Variants in RBFOX1 observed in about 807,000 individuals in gnomAD.
RBFOX1 encodes the protein RNA binding fox-1 homolog 1, also known as RNA binding protein fox-1 homolog 1.
RBFOX1 carries 8 observed loss-of-function variants against 57.7 expected under a neutral mutation model. The ratio of observed to expected loss-of-function variants is 0.14; its 90% CI spans 0.08 to 0.25. The LOEUF is 0.25. RBFOX1 is among the 10% of genes least tolerant of loss of function. RBFOX1 has a pLI of 1.00. For synonymous variants in RBFOX1, 326 were observed against 222.4 expected, an observed-to-expected ratio of 1.47 and a Z score of -4.15; for missense variants, 611 against 548.5, an observed-to-expected ratio of 1.11 and a Z score of -1.14.
intron 4 of RBFOX1, among the ~76,000 whole-genome samples, chr16:7,286,467 T>TTTTG (rs1391701612): frequency 4.1e-5 from 6 of 147,422 alleles, no homozygotes; most frequent in African/African-American, 1.3e-4. Context: ...TTTTTTTTTT[T>TTTTG]GAGATGGAGT....
chr16:5,823,761 C>G (rs1442676622), intron 3 of RBFOX1, among the ~76,000 whole-genome samples: 1 of 152,182 alleles, frequency 6.6e-6, no homozygotes, highest in Non-Finnish European at 1.5e-5. Context: ...GATGATCTGT[C>G]ACTGTCTCCC....
chr16:5,737,074 A>G (rs542104437), intron 3 of RBFOX1, among the ~76,000 whole-genome samples: 2 of 152,022 alleles, frequency 1.3e-5, no homozygotes, highest in Non-Finnish European at 1.5e-5. Flanking sequence ...ACTGAGAGTG[A>G]TGGTGACTTG....
chr16:6,409,082 C>T (rs2093375557), intron 2 of RBFOX1, among the ~76,000 whole-genome samples: 1 of 152,066 alleles, frequency 6.6e-6, no homozygotes, highest in Non-Finnish European at 1.5e-5. Flanking sequence ...TTCACAGTCT[C>T]TCCCTACATA....
intron 2 of RBFOX1, among the ~76,000 whole-genome samples, chr16:6,426,618 G>A (rs186846615): frequency 5.9e-5 from 9 of 152,122 alleles, no homozygotes; most frequent in African/African-American, 1.7e-4. Context: ...GCAACAGAAC[G>A]ACACCTTGTC....
chr16:5,599,385 A>G (rs148919553), exon 3 of RBFOX1: 1 of 593,120 alleles, frequency 1.7e-6, no homozygotes, highest in East Asian at 2.8e-5. Context: ...GGGGTCCTGC[A>G]TCATGGCATT....
At chr16:6,003,457 G>A (rs543494697) in intron 4 of RBFOX1, among the ~76,000 whole-genome samples, 2 of 151,966 alleles carry the variant, frequency 1.3e-5, no homozygotes, top group East Asian at 1.9e-4. Flanking sequence ...ACTACTTCTC[G>A]CCACCGCCCA....
At chr16:7,253,159 C>G (rs1048094686) in intron 4 of RBFOX1, among the ~76,000 whole-genome samples, 9 of 152,194 alleles carry the variant, frequency 5.9e-5, no homozygotes, top group African/African-American at 2.2e-4. Context: ...GATAAAATCT[C>G]TTCTCCACTT....
chr16:7,521,510 C>A (rs1036992420), intron 5 of RBFOX1, among the ~76,000 whole-genome samples: 21 of 151,896 alleles, frequency 1.4e-4, no homozygotes, highest in African/African-American at 5.1e-4. Flanking sequence ...GCAAAAAGAA[C>A]ACTTTAGAGA....
At chr16:5,704,776 C>G (rs537611313) in intron 3 of RBFOX1, among the ~76,000 whole-genome samples, 2 of 152,284 alleles carry the variant, frequency 1.3e-5, no homozygotes, top group African/African-American at 4.8e-5. Flanking sequence ...TATGTGTGCT[C>G]TGGCAGCACA....
chr16:6,140,187 C>CTT (rs5815288), intron 1 of RBFOX1, among the ~76,000 whole-genome samples: 6 of 137,290 alleles, frequency 4.4e-5, no homozygotes, highest in African/African-American at 1.1e-4. Flanking sequence ...CTGGAAATGA[C>CTT]TTTTTTTTTT....
chr16:5,487,344 A>G (rs921591903), intron 2 of RBFOX1, among the ~76,000 whole-genome samples: 3 of 152,168 alleles, frequency 2.0e-5, no homozygotes, highest in Non-Finnish European at 2.9e-5. Context: ...TTCTTTTTCA[A>G]TGAATGGGGG....
At position 6,450,798 on chromosome 16, in the gene RBFOX1, T is replaced by TATAC. The variant is rs1555480574; in HGVS notation, c.-64+133743_-64+133744insACAT. Among the ~76,000 whole-genome samples the TATAC allele has an allele frequency of 2.0e-3, 42 of 20,952 alleles. 3 individuals are homozygous for TATAC. The highest frequency in any genetic ancestry group is 1.0e-2 in the South Asian group (8 of 802). 13.7% of individuals were successfully genotyped at this position (20,952 alleles called of 152,430 possible). On this transcript the variant is annotated intron_variant, in intron 2 of 15. Transcript: ENST00000550418. ...ATATATATATATATATACATATATA[T>TATAC]ATGTATATATATATATATACATATA...
At chr16:7,648,574 A>C (rs957160878) in intron 11 of RBFOX1, among the ~76,000 whole-genome samples, 5 of 152,204 alleles carry the variant, frequency 3.3e-5, no homozygotes, top group African/African-American at 4.8e-5. Flanking sequence ...CACAGTCATA[A>C]GTCAGAAGAG....
chr16:7,653,289 C>T (rs982812070), intron 11 of RBFOX1, among the ~76,000 whole-genome samples: 2 of 152,016 alleles, frequency 1.3e-5, no homozygotes, highest in Non-Finnish European at 2.9e-5. Context: ...CTGCTTGAAC[C>T]CAGGACTTCA....
chr16:6,476,364 C>G (rs1459756140), intron 2 of RBFOX1, among the ~76,000 whole-genome samples: 1 of 152,062 alleles, frequency 6.6e-6, no homozygotes, highest in African/African-American at 2.4e-5. Context: ...ACAGGCACAC[C>G]TTGGAGATAC....
chr16:7,605,351 C>G (rs1226485657), intron 9 of RBFOX1, among the ~76,000 whole-genome samples: 3 of 152,130 alleles, frequency 2.0e-5, no homozygotes, highest in Non-Finnish European at 4.4e-5. Flanking sequence ...ACCGCTAGGG[C>G]AGTAGGTCTC....
chr16:6,420,681 C>G (rs1341089447), intron 2 of RBFOX1, among the ~76,000 whole-genome samples: 1 of 152,146 alleles, frequency 6.6e-6, no homozygotes, highest in East Asian at 1.9e-4. Flanking sequence ...TGAAAGTTCC[C>G]AGCTTGTGCT....
At chr16:5,297,643 A>C (rs1282431541) in intron 1 of RBFOX1, among the ~76,000 whole-genome samples, 2 of 152,152 alleles carry the variant, frequency 1.3e-5, no homozygotes, top group East Asian at 3.9e-4. Flanking sequence ...TATATATTCT[A>C]GCCTTATCAG....
chr16:6,918,851 C>T (rs1206165023), intron 3 of RBFOX1, among the ~76,000 whole-genome samples: 18 of 152,124 alleles, frequency 1.2e-4, no homozygotes, highest in African/African-American at 2.4e-5. Context: ...CAACACATTG[C>T]AGGCTTGGCC....
Sources: allele counts gnomAD v4.1 joint callset (sites outside exome capture counted in the v4.1 genomes callset), GRCh38; gene constraint gnomAD v4.1.1; transcripts MANE v1.5; gene names NCBI Gene and HGNC (gene_info 2026-07-23, HGNC 2026-07-21).